NTM: variants seen among roughly 807,000 people sequenced by gnomAD.
NTM encodes the protein neurotrimin.
A neutral mutation model predicts 42.1 loss-of-function variants in NTM; 13 were observed. That is an observed-to-expected ratio of 0.31 (90% CI 0.20 to 0.49). The LOEUF (loss-of-function observed/expected upper bound fraction) is 0.49, where lower values mean the gene tolerates loss of function less well. Ranked by LOEUF, NTM falls within the 20% of genes least tolerant of loss-of-function variation. NTM has a pLI of 0.99. For missense variants in NTM, 373 were observed against 452.8 expected, an observed-to-expected ratio of 0.82 and a Z score of 1.60; for synonymous variants, 187 against 179.2, an observed-to-expected ratio of 1.04 and a Z score of -0.35.
At chr11:132,071,526 A>G (rs1277995607) in intron 2 of NTM, among the ~76,000 whole-genome samples, 4 of 152,234 alleles carry the variant, frequency 2.6e-5, no homozygotes, top group Non-Finnish European at 5.9e-5. Context: ...TGAGGAGATC[A>G]TTTGATTCAA....
chr11:132,048,748 A>T (rs2078383959), intron 2 of NTM, among the ~76,000 whole-genome samples: 1 of 152,074 alleles, frequency 6.6e-6, no homozygotes, highest in South Asian at 2.1e-4. Flanking sequence ...AAAACCCAGC[A>T]ATATCGACAA....
intron 1 of NTM, among the ~76,000 whole-genome samples, chr11:131,402,315 G>A (rs893625394): frequency 5.3e-5 from 8 of 151,850 alleles, no homozygotes; most frequent in Non-Finnish European, 1.2e-4. Context: ...CTAGGATTCA[G>A]CAGTTTATAC....
chr11:132,286,410 A>G (rs1300189685), intron 4 of NTM, among the ~76,000 whole-genome samples: 1 of 152,174 alleles, frequency 6.6e-6, no homozygotes, highest in Non-Finnish European at 1.5e-5. Context: ...GAGGACCTGA[A>G]TGAAGGATTG....
chr11:131,907,492 G>A (rs1233861733), intron 1 of NTM, among the ~76,000 whole-genome samples: 1 of 152,214 alleles, frequency 6.6e-6, no homozygotes, highest in Non-Finnish European at 1.5e-5. Context: ...GAGTGTGTAT[G>A]TGTGTACATG....
In NTM at chr11:131,890,174, CTCTG is replaced by C. The variant is rs1203820764; in HGVS notation, c.83-21386_83-21383del. Among the ~76,000 whole-genome samples, 381 of 150,404 alleles carry C rather than the reference CTCTG, an allele frequency of 2.5e-3. 2 individuals carry two copies. Among genetic ancestry groups the C allele is most frequent in the African/African-American group, 8.9e-3 (361 of 40,384 alleles). On this transcript the variant is annotated intron_variant, in intron 1 of 8. Transcript: ENST00000683400. Reference sequence around the variant, plus strand: ...TCTCTCTGTCTCTCTCTCTCTCTCTCTCTGTCTCTCTCTCTCTCTCACACACACA... The same window carrying C: ...TCTCTCTGTCTCTCTCTCTCTCTCTCTCTCTCTCTCTCTCTCACACACACA...
intron 1 of NTM, among the ~76,000 whole-genome samples, chr11:131,551,295 C>T (rs1162267928): frequency 6.6e-6 from 1 of 152,006 alleles, no homozygotes; most frequent in Non-Finnish European, 1.5e-5. Flanking sequence ...ATAATAGCTC[C>T]TAAAGGAAAA....
chr11:132,178,176 G>T (rs899019320), intron 3 of NTM, among the ~76,000 whole-genome samples: 1 of 152,160 alleles, frequency 6.6e-6, no homozygotes, highest in African/African-American at 2.4e-5. Flanking sequence ...GGCTGGCTCC[G>T]CAGGATCTCA....
At chr11:131,823,890 G>C (rs889480377) in intron 1 of NTM, among the ~76,000 whole-genome samples, 5 of 152,328 alleles carry the variant, frequency 3.3e-5, no homozygotes, top group Non-Finnish European at 5.9e-5. Flanking sequence ...AAGGGCTTAA[G>C]TCAGAAAGAC....
At chr11:131,701,259 T>C (rs2135174044) in intron 1 of NTM, among the ~76,000 whole-genome samples, 1 of 152,322 alleles carries the variant, frequency 6.6e-6, no homozygotes, top group East Asian at 1.9e-4. Flanking sequence ...CCTGGTTTCT[T>C]TATCTATAAA....
intron 1 of NTM, among the ~76,000 whole-genome samples, chr11:131,521,806 A>G (rs888116359): frequency 1.7e-4 from 26 of 152,112 alleles, no homozygotes; most frequent in Non-Finnish European, 3.5e-4. Context: ...GACTCTGTGC[A>G]TATATGAGTT....
chr11:131,710,263 A>C (rs1239098743), intron 1 of NTM, among the ~76,000 whole-genome samples: 4 of 152,072 alleles, frequency 2.6e-5, no homozygotes, highest in African/African-American at 9.7e-5. Context: ...AATATTCTAC[A>C]ATTTCTCTTA....
At chr11:132,131,768 C>T (rs1045681362) in intron 2 of NTM, among the ~76,000 whole-genome samples, 7 of 152,186 alleles carry the variant, frequency 4.6e-5, no homozygotes, top group South Asian at 2.1e-4. Context: ...AAGGTCCCTG[C>T]GGCAAAAAGA....
intron 1 of NTM, among the ~76,000 whole-genome samples, chr11:131,827,354 A>G (rs1333809634): frequency 1.3e-5 from 2 of 152,194 alleles, no homozygotes; most frequent in Non-Finnish European, 2.9e-5. Flanking sequence ...AGACCAAGGC[A>G]TCCTGGCAGA....
intron 1 of NTM, among the ~76,000 whole-genome samples, chr11:131,615,238 A>G (rs1042911854): frequency 5.9e-5 from 9 of 152,220 alleles, no homozygotes; most frequent in Admixed American, 4.6e-4. Flanking sequence ...TGGGTCTCTC[A>G]GCCTCAGATT....
At chr11:131,371,175 T>C (rs1941120930) in intron 1 of NTM, 1 of 815,814 alleles carries the variant, frequency 1.2e-6, no homozygotes, top group Admixed American at 6.2e-5. Context: ...TCATGCACAT[T>C]CTTGCACACA....
intron 2 of NTM, among the ~76,000 whole-genome samples, chr11:131,926,685 A>G (rs950651338): frequency 6.6e-6 from 1 of 152,238 alleles, no homozygotes; most frequent in Non-Finnish European, 1.5e-5. Context: ...AAAATCCCAC[A>G]TAAGCAAGTA....
chr11:131,449,864 G>C (rs550263379), intron 1 of NTM, among the ~76,000 whole-genome samples: 1 of 152,244 alleles, frequency 6.6e-6, no homozygotes, highest in African/African-American at 2.4e-5. Context: ...CTGCTTGCCA[G>C]ATGAAAACTG....
chr11:132,265,175 C>G (rs2093106112), intron 4 of NTM, among the ~76,000 whole-genome samples: 1 of 152,162 alleles, frequency 6.6e-6, no homozygotes. Flanking sequence ...AGAATCTACT[C>G]TTAATTTGTA....
chr11:132,116,551 G>A (rs769627075), intron 2 of NTM, among the ~76,000 whole-genome samples: 4 of 152,154 alleles, frequency 2.6e-5, no homozygotes, highest in East Asian at 1.9e-4. Context: ...ACTGCATCTT[G>A]TACTTAACCA....
Sources: allele counts gnomAD v4.1 joint callset (sites outside exome capture counted in the v4.1 genomes callset), GRCh38; gene constraint gnomAD v4.1.1; transcripts MANE v1.5; gene names NCBI Gene and HGNC (gene_info 2026-07-23, HGNC 2026-07-21).